Variants in NLGN4X observed in about 807,000 individuals in gnomAD.
NLGN4X encodes neuroligin 4 X-linked.
Under a neutral mutation model 40.3 loss-of-function variants are expected in NLGN4X, and 3 were observed. The observed-to-expected ratio is 0.07, with a 90% CI of 0.03 to 0.19. The LOEUF is 0.19. NLGN4X is among the 10% of genes least tolerant of loss of function. The probability of loss-of-function intolerance (pLI) is 1.00; values close to 1 mark genes in which losing one functional copy is unlikely to be tolerated. For synonymous variants in NLGN4X, 270 were observed against 306.8 expected, an observed-to-expected ratio of 0.88 and a Z score of 1.25; for missense variants, 382 against 708.3, an observed-to-expected ratio of 0.54 and a Z score of 5.23.
chrX:6,198,029 A>G (rs1000156009), intron 1 of NLGN4X, among the ~76,000 whole-genome samples: 2 of 108,067 alleles, frequency 1.9e-5, no homozygotes, highest in Non-Finnish European at 3.8e-5. Flanking sequence ...ACGCCACTGC[A>G]CTCCACCCTG....
At chrX:6,180,820 T>TA (rs1555998839) in intron 1 of NLGN4X, among the ~76,000 whole-genome samples, 2 of 110,895 alleles carry the variant, frequency 1.8e-5, no homozygotes, top group African/African-American at 3.3e-5. Context: ...TTTTTTTTTT[T>TA]ATGTTAACTT....
At chrX:5,985,864 A>T (rs994136492) in intron 3 of NLGN4X, among the ~76,000 whole-genome samples, 43 of 111,775 alleles carry the variant, frequency 3.8e-4, no homozygotes, top group African/African-American at 1.3e-3. Flanking sequence ...AACTAAACAG[A>T]CATTAAGGCA....
Position 5,975,612 on chromosome X carries a change from C to CAAAAAAAA in NLGN4X, c.625+53660_625+53667dup, listed in dbSNP as rs60917858. On this transcript the variant is annotated intron_variant, in intron 3 of 5. Coordinates refer to ENST00000381095, the MANE Select transcript of NLGN4X (RefSeq NM_181332.3). ...TGGGCGACAAAGCAAGACTCCGTTTCAAAAAAAAAAAAAAAAAGCAGTTTA... is the reference window on the plus strand; with the variant it reads ...TGGGCGACAAAGCAAGACTCCGTTTCAAAAAAAAAAAAAAAAAAAAAAAAAGCAGTTTA... 9.2e-3 allele frequency among the ~76,000 whole-genome samples: 494 copies of CAAAAAAAA among 53,801 alleles called. 9 individuals carry two copies. Among genetic ancestry groups the CAAAAAAAA allele is most frequent in the African/African-American group, 0.031 (462 of 15,060 alleles). The allele number at this position is 53,801 out of a possible 115,157, so 46.7% of individuals were successfully genotyped here. A position where few individuals can be genotyped will look rare whatever the true frequency, so the allele number is the denominator to read the frequency against.
At chrX:5,932,746 T>C (rs2033594144) in intron 3 of NLGN4X, among the ~76,000 whole-genome samples, 1 of 110,123 alleles carries the variant, frequency 9.1e-6, no homozygotes. Context: ...AAAGGCATCC[T>C]TGGAAAAATG....
At chrX:5,997,615 C>T (rs75822275) in intron 3 of NLGN4X, among the ~76,000 whole-genome samples, 2 of 41,290 alleles carry the variant, frequency 4.8e-5, no homozygotes, top group Non-Finnish European at 1.0e-4. Flanking sequence ...TATATATACA[C>T]ATATATATAT....
chrX:6,077,365 G>A (rs1336090732), intron 2 of NLGN4X, among the ~76,000 whole-genome samples: 1 of 108,370 alleles, frequency 9.2e-6, no homozygotes, highest in Non-Finnish European at 1.9e-5. Flanking sequence ...AGAGTGCACC[G>A]AGGCCTTGAA....
chrX:6,219,414 C>A (rs1569305626), intron 1 of NLGN4X, among the ~76,000 whole-genome samples: 1 of 63,166 alleles, frequency 1.6e-5, no homozygotes, highest in Non-Finnish European at 3.0e-5. Flanking sequence ...TCATTCCCTC[C>A]CTCTCTCCTT....
intron 4 of NLGN4X, among the ~76,000 whole-genome samples, chrX:5,906,305 A>G (rs1262114826): frequency 9.0e-6 from 1 of 111,593 alleles, no homozygotes; most frequent in African/African-American, 3.3e-5. Context: ...AGCACTAGTA[A>G]GAAATCAAAG....
chrX:5,907,396 C>T (rs961448619), intron 4 of NLGN4X, among the ~76,000 whole-genome samples: 2 of 111,630 alleles, frequency 1.8e-5, no homozygotes, highest in Admixed American at 9.5e-5. Context: ...AAAGGGACAG[C>T]TGGGAATCCA....
intron 2 of NLGN4X, chrX:6,032,612 T>C (rs1340954793): frequency 3.8e-5 from 25 of 653,693 alleles, no homozygotes; most frequent in Non-Finnish European, 5.1e-5. Context: ...AAAAAACAGA[T>C]TGAAATGAAA....
intron 3 of NLGN4X, among the ~76,000 whole-genome samples, chrX:5,925,486 A>G: frequency 9.0e-6 from 1 of 110,672 alleles, no homozygotes; most frequent in Admixed American, 9.7e-5. Flanking sequence ...GAAAGAAATA[A>G]TAGTTTGCAA....
chrX:5,965,325 TA>T lies in NLGN4X; in HGVS notation c.626-56087del, dbSNP rs762767071. Among the ~76,000 whole-genome samples the T allele has an allele frequency of 3.8e-4, 43 of 111,925 alleles. 1 individual carries two copies. The South Asian group carries it at 0.016, about 41-fold the overall frequency. On this transcript the variant is annotated intron_variant, in intron 3 of 5. Coordinates refer to ENST00000381095, the MANE Select transcript of NLGN4X (RefSeq NM_181332.3). ...CATGAGACAAGAAGTCGGGTGCAGGTAAATTACTTGGAAGGTGGGATAGTCA... is the reference window on the plus strand; with the variant it reads ...CATGAGACAAGAAGTCGGGTGCAGGTAATTACTTGGAAGGTGGGATAGTCA...
chrX:6,116,604 A>G lies in NLGN4X; in HGVS notation c.472+34391T>C, dbSNP rs9699364. On this transcript the variant is annotated intron_variant, in intron 2 of 5. Coordinates refer to ENST00000381095, the MANE Select transcript of NLGN4X (RefSeq NM_181332.3). The stretch of plus-strand genomic sequence containing the variant: ...CCTCCCAGGTTCAAGTGATTCTTCT[A>G]CCTCAGCCCCCGCCTCCCAGGTTCA... 3.8e-3 allele frequency among the ~76,000 whole-genome samples: 249 copies of G among 66,249 alleles called. 1 individual carries two copies. The highest frequency in any genetic ancestry group is 0.013 in the African/African-American group (208 of 15,710). 57.5% of individuals were successfully genotyped at this position (66,249 alleles called of 115,157 possible). A position where few individuals can be genotyped will look rare whatever the true frequency, so the allele number is the denominator to read the frequency against.
chrX:6,209,217 T>C (rs1377070845), intron 1 of NLGN4X, among the ~76,000 whole-genome samples: 1 of 111,092 alleles, frequency 9.0e-6, no homozygotes, highest in African/African-American at 3.3e-5. Flanking sequence ...TAATAGACCC[T>C]GGAGAATCAA....
chrX:6,134,050 C>A (rs2039752205), intron 2 of NLGN4X, among the ~76,000 whole-genome samples: 1 of 111,044 alleles, frequency 9.0e-6, no homozygotes, highest in African/African-American at 3.3e-5. Context: ...ATGCTGTCCA[C>A]CCTTGCTTCC....
intron 1 of NLGN4X, among the ~76,000 whole-genome samples, chrX:6,176,205 T>C (rs1209194224): frequency 9.0e-6 from 1 of 111,662 alleles, no homozygotes; most frequent in Non-Finnish European, 1.9e-5. Flanking sequence ...AATCACTTTG[T>C]CTCCATGATT....
At chrX:6,029,512 T>G (rs1352240649) in intron 2 of NLGN4X, 80 bp from the exon 3 acceptor site, 1 of 990,471 alleles carries the variant, frequency 1.0e-6, no homozygotes, top group African/African-American at 1.9e-5. Flanking sequence ...AAAAGGAGAT[T>G]CACTGATTTC....
intron 1 of NLGN4X, among the ~76,000 whole-genome samples, chrX:6,160,984 A>T (rs12845859): frequency 2.0e-5 from 2 of 100,443 alleles, no homozygotes; most frequent in African/African-American, 7.2e-5. Flanking sequence ...TTCTATATAT[A>T]ATATAGGATA....
chrX:5,914,476 C>T (rs2032674147), intron 3 of NLGN4X, among the ~76,000 whole-genome samples: 3 of 110,766 alleles, frequency 2.7e-5, no homozygotes. Context: ...GAGATCATTC[C>T]TTGCATAAAC....
Sources: gnomAD v4.1 joint callset for allele counts (sites outside exome capture counted in the v4.1 genomes callset) on GRCh38, gnomAD v4.1.1 for gene constraint, MANE v1.5 for transcripts, NCBI Gene and HGNC (gene_info 2026-07-23, HGNC 2026-07-21) for gene names.